The following UNC5D variants were observed in gnomAD, a reference collection of about 807,000 sequenced individuals.
The protein encoded by UNC5D is netrin receptor UNC5D.
A neutral mutation model predicts 105.4 loss-of-function variants in UNC5D; 39 were observed. The observed-to-expected ratio is 0.37, with a 90% CI of 0.29 to 0.48. The LOEUF (loss-of-function observed/expected upper bound fraction) is 0.48, where lower values mean the gene tolerates loss of function less well. Among genes scored for constraint, UNC5D ranks in the 20% least tolerant of loss-of-function variants. The pLI is 0.98. For missense variants in UNC5D, 991 were observed against 1,202.4 expected (o/e 0.82, Z 2.60); for synonymous variants, 452 against 450.4 (o/e 1.00, Z -0.04).
intron 1 of UNC5D, among the ~76,000 whole-genome samples, chr8:35,533,382 C>T (rs1156883596): frequency 1.3e-5 from 2 of 152,014 alleles, no homozygotes; most frequent in African/African-American, 2.4e-5. Flanking sequence ...CAGGGACCCA[C>T]TTGAGGAGGC....
intron 14 of UNC5D, among the ~76,000 whole-genome samples, chr8:35,759,704 C>T (rs904110867): frequency 3.3e-5 from 5 of 152,186 alleles, no homozygotes; most frequent in African/African-American, 1.2e-4. Flanking sequence ...GGTGAGATGG[C>T]ATTTCTCCTC....
intron 1 of UNC5D, among the ~76,000 whole-genome samples, chr8:35,535,555 G>T (rs1278711730): frequency 6.8e-6 from 1 of 147,782 alleles, no homozygotes; most frequent in African/African-American, 2.5e-5. Flanking sequence ...TACGGCAAAG[G>T]CAGGTAGCCT....
chr8:35,666,982 G>T (rs1475021187), intron 4 of UNC5D, among the ~76,000 whole-genome samples: 1 of 152,064 alleles, frequency 6.6e-6, no homozygotes, highest in South Asian at 2.1e-4. Context: ...GTAAAATGTG[G>T]TATGAGACTT....
intron 1 of UNC5D, among the ~76,000 whole-genome samples, chr8:35,448,400 T>C (rs1807934697): frequency 6.6e-6 from 1 of 152,122 alleles, no homozygotes; most frequent in African/African-American, 2.4e-5. Flanking sequence ...TATTTTTTAG[T>C]AAATTTTTTC....
chr8:35,716,770 T>C lies in UNC5D; in HGVS notation c.1118-5440T>C, dbSNP rs74970911. On this transcript the variant is annotated intron_variant, in intron 8 of 16. Coordinates refer to ENST00000404895, the MANE Select transcript of UNC5D (RefSeq NM_080872.4). ...GAGATTCTAAAGACTGCAAATATAA[T>C]TGAAATTGCTTAGCATGGTTGGCCA... Among the ~76,000 whole-genome samples the C allele has an allele frequency of 6.0e-3, 913 of 152,310 alleles. 13 individuals carry two copies. Among genetic ancestry groups the C allele is most frequent in the African/African-American group, 0.021 (881 of 41,568 alleles).
intron 1 of UNC5D, among the ~76,000 whole-genome samples, chr8:35,546,850 C>T (rs1815720758): frequency 6.6e-6 from 1 of 152,190 alleles, no homozygotes; most frequent in African/African-American, 2.4e-5. Context: ...CTCTTACTCC[C>T]TGTGACATAT....
intron 1 of UNC5D, among the ~76,000 whole-genome samples, chr8:35,511,333 A>T (rs1483696725): frequency 6.6e-6 from 1 of 152,070 alleles, no homozygotes; most frequent in Non-Finnish European, 1.5e-5. Flanking sequence ...ATTTTATGTG[A>T]TTTAGGTCTT....
In UNC5D at chr8:35,564,584, C is replaced by T. The variant is rs138632302; in HGVS notation, c.323-3514C>T. Among the ~76,000 whole-genome samples the T allele has an allele frequency of 4.2e-3, 638 of 152,286 alleles. 8 individuals are homozygous for T. The highest frequency in any genetic ancestry group is 0.014 in the African/African-American group (593 of 41,562). ...AATATGCATGCTCCACTCCAGCTTG[C>T]TTTCTGTCCTAACAAACAAATAAAT... On this transcript the variant is annotated intron_variant, in intron 2 of 16. Coordinates refer to ENST00000404895, the MANE Select transcript of UNC5D (RefSeq NM_080872.4).
intron 1 of UNC5D, among the ~76,000 whole-genome samples, chr8:35,335,290 T>C (rs939593778): frequency 7.2e-5 from 11 of 152,238 alleles, no homozygotes; most frequent in Non-Finnish European, 1.5e-4. Context: ...CTTGGCTAAA[T>C]AACCAGAAAT....
chr8:35,394,615 C>T (rs534488966), intron 1 of UNC5D, among the ~76,000 whole-genome samples: 4 of 151,544 alleles, frequency 2.6e-5, no homozygotes, highest in Non-Finnish European at 4.4e-5. Flanking sequence ...ATTAGGAAGC[C>T]TGGTGAATTT....
At chr8:35,711,682 G>C (rs181144812) in intron 8 of UNC5D, among the ~76,000 whole-genome samples, 72 of 152,136 alleles carry the variant, frequency 4.7e-4, no homozygotes, top group African/African-American at 1.7e-3. Flanking sequence ...TCTTCCTTCA[G>C]TTTTCAACTT....
chr8:35,667,751 C>T (rs1213076533), intron 4 of UNC5D, among the ~76,000 whole-genome samples: 3 of 152,090 alleles, frequency 2.0e-5, no homozygotes, highest in African/African-American at 7.2e-5. Flanking sequence ...TCAAGAATGT[C>T]CCGTGGAGAT....
chr8:35,316,058 T>C (rs1259725575), intron 1 of UNC5D, among the ~76,000 whole-genome samples: 1 of 152,112 alleles, frequency 6.6e-6, no homozygotes, highest in East Asian at 1.9e-4. Context: ...GGAGGCACGA[T>C]TGGAAATAGG....
At chr8:35,348,153 T>C (rs979292077) in intron 1 of UNC5D, among the ~76,000 whole-genome samples, 8 of 151,930 alleles carry the variant, frequency 5.3e-5, no homozygotes, top group African/African-American at 1.9e-4. Context: ...TGTCCACTCT[T>C]CCACTTTTTC....
At chr8:35,461,437 G>C (rs960892738) in intron 1 of UNC5D, among the ~76,000 whole-genome samples, 11 of 152,110 alleles carry the variant, frequency 7.2e-5, no homozygotes, top group African/African-American at 2.7e-4. Context: ...AAGTAAAGTG[G>C]AGCTGTGTTT....
At chr8:35,621,603 G>T (rs1361110377) in intron 4 of UNC5D, among the ~76,000 whole-genome samples, 1 of 152,000 alleles carries the variant, frequency 6.6e-6, no homozygotes, top group Non-Finnish European at 1.5e-5. Context: ...CTGCACCGTG[G>T]TCATTGTCTA....
intron 1 of UNC5D, among the ~76,000 whole-genome samples, chr8:35,353,250 A>G (rs1232337005): frequency 1.3e-5 from 2 of 152,216 alleles, no homozygotes; most frequent in East Asian, 1.9e-4. Flanking sequence ...GCATAAGAAT[A>G]TGAGCCAAGC....
intron 1 of UNC5D, among the ~76,000 whole-genome samples, chr8:35,251,718 T>C (rs1199447810): frequency 1.3e-5 from 2 of 152,212 alleles, no homozygotes; most frequent in Non-Finnish European, 2.9e-5. Flanking sequence ...AGATTCCTTG[T>C]TTTCCTTTAA....
At chr8:35,787,165 G>A (rs1218672863) in intron 16 of UNC5D, among the ~76,000 whole-genome samples, 1 of 152,138 alleles carries the variant, frequency 6.6e-6, no homozygotes, top group Non-Finnish European at 1.5e-5. Context: ...TCAACCCCTG[G>A]TATAGAATAG....
Sources: gnomAD v4.1 joint callset for allele counts (sites outside exome capture counted in the v4.1 genomes callset) on GRCh38, gnomAD v4.1.1 for gene constraint, MANE v1.5 for transcripts, NCBI Gene and HGNC (gene_info 2026-07-23, HGNC 2026-07-21) for gene names.